Variants in CDH12 observed in about 807,000 individuals in gnomAD.
The protein encoded by CDH12 is cadherin-12.
A neutral mutation model predicts 74.1 loss-of-function variants in CDH12; 41 were observed. The ratio of observed to expected loss-of-function variants is 0.55; its 90% CI spans 0.43 to 0.72. The LOEUF is 0.72. Ranked by LOEUF, CDH12 falls within the 30% of genes least tolerant of loss-of-function variation. The pLI, the probability that CDH12 is intolerant of heterozygous loss-of-function variation, is 0.00. For synonymous variants in CDH12, 399 were observed against 355.0 expected (o/e 1.12, Z -1.39); for missense variants, 945 against 977.2 (o/e 0.97, Z 0.44).
chr5:22,570,193 T>C (rs1580774675), intron 1 of CDH12, among the ~76,000 whole-genome samples: 1 of 151,680 alleles, frequency 6.6e-6, no homozygotes, highest in African/African-American at 2.4e-5. Flanking sequence ...GCAGCTGGGA[T>C]TACAGGCGCC....
At chr5:22,027,367 T>C (rs1169351048) in intron 5 of CDH12, among the ~76,000 whole-genome samples, 1 of 152,216 alleles carries the variant, frequency 6.6e-6, no homozygotes, top group East Asian at 1.9e-4. Flanking sequence ...TTCTGTTGAT[T>C]GGAATAGTTT....
At chr5:22,521,420 T>C (rs1320650728) in intron 1 of CDH12, among the ~76,000 whole-genome samples, 1 of 149,764 alleles carries the variant, frequency 6.7e-6, no homozygotes, top group African/African-American at 2.6e-5. Context: ...TTGTGGAACT[T>C]ATATTTAGTT....
chr5:22,336,482 G>T (rs1739585690), intron 3 of CDH12, among the ~76,000 whole-genome samples: 1 of 152,150 alleles, frequency 6.6e-6, no homozygotes, highest in Admixed American at 6.5e-5. Context: ...AGGTTTCATG[G>T]GCCAGGCCCA....
chr5:22,358,321 A>G (rs1285882141), intron 3 of CDH12, among the ~76,000 whole-genome samples: 1 of 54,604 alleles, frequency 1.8e-5, no homozygotes, highest in Non-Finnish European at 3.8e-5. Context: ...AGGCAGGAGA[A>G]TAACTTGAAC....
chr5:22,529,351 C>T (rs550285388), intron 1 of CDH12, among the ~76,000 whole-genome samples: 160 of 151,904 alleles, frequency 1.1e-3, no homozygotes, highest in Non-Finnish European at 1.8e-3. Flanking sequence ...AGTCTGAGTC[C>T]TAAGCCCTGA....
intron 3 of CDH12, among the ~76,000 whole-genome samples, chr5:22,303,568 C>A (rs1019996443): frequency 6.6e-6 from 1 of 151,942 alleles, no homozygotes; most frequent in African/African-American, 2.4e-5. Flanking sequence ...ATTGATATCA[C>A]AATTTCTACA....
At chr5:22,802,767 A>C (rs1215614100) in intron 1 of CDH12, among the ~76,000 whole-genome samples, 1 of 152,188 alleles carries the variant, frequency 6.6e-6, no homozygotes, top group Non-Finnish European at 1.5e-5. Context: ...CAAACACACA[A>C]TAGGCACAAA....
chr5:22,332,107 A>G (rs533029835), intron 3 of CDH12, among the ~76,000 whole-genome samples: 1 of 152,292 alleles, frequency 6.6e-6, no homozygotes, highest in East Asian at 1.9e-4. Flanking sequence ...AAAAGATAAT[A>G]ACGGAGAACT....
intron 5 of CDH12, among the ~76,000 whole-genome samples, chr5:21,988,180 A>G (rs980692549): frequency 3.3e-5 from 5 of 152,108 alleles, no homozygotes; most frequent in Non-Finnish European, 7.4e-5. Flanking sequence ...ACAGGATATG[A>G]CAATAGCTCT....
intron 3 of CDH12, among the ~76,000 whole-genome samples, chr5:22,272,925 G>A (rs954962042): frequency 6.6e-6 from 1 of 152,176 alleles, no homozygotes; most frequent in African/African-American, 2.4e-5. Flanking sequence ...GGCAGAAGGG[G>A]AAGCAAATGC....
At chr5:21,916,193 C>G (rs1754085744) in intron 6 of CDH12, among the ~76,000 whole-genome samples, 1 of 152,112 alleles carries the variant, frequency 6.6e-6, no homozygotes. Context: ...TGTAAGTATT[C>G]TATCTTCAAG....
intron 4 of CDH12, among the ~76,000 whole-genome samples, chr5:22,158,417 G>T (rs963833593): frequency 2.6e-5 from 4 of 152,016 alleles, no homozygotes; most frequent in African/African-American, 9.7e-5. Flanking sequence ...AAGTGATGCA[G>T]AAGCATTTTC....
intron 3 of CDH12, among the ~76,000 whole-genome samples, chr5:22,290,292 A>G (rs1044304137): frequency 2.0e-5 from 3 of 152,204 alleles, no homozygotes; most frequent in Non-Finnish European, 4.4e-5. Context: ...GACTGACCCC[A>G]AAACATCGAG....
At chr5:22,779,503 C>G (rs1455883954) in intron 1 of CDH12, among the ~76,000 whole-genome samples, 2 of 151,930 alleles carry the variant, frequency 1.3e-5, no homozygotes, top group Non-Finnish European at 2.9e-5. Flanking sequence ...AAACAATAAC[C>G]CCAGTTGATA....
At chr5:21,938,811 A>AT (rs1483698319) in intron 6 of CDH12, among the ~76,000 whole-genome samples, 3 of 146,612 alleles carry the variant, frequency 2.0e-5, no homozygotes, top group African/African-American at 7.6e-5. Flanking sequence ...AAGGACTTCA[A>AT]TTTTTACCAG....
chr5:22,740,715 T>TA (rs1744986638), intron 1 of CDH12, among the ~76,000 whole-genome samples: 1 of 152,122 alleles, frequency 6.6e-6, no homozygotes, highest in African/African-American at 2.4e-5. Context: ...ATAGATGTTT[T>TA]AAAACTTAAT....
chr5:22,231,879 A>G (rs1752397718), intron 3 of CDH12, among the ~76,000 whole-genome samples: 1 of 151,994 alleles, frequency 6.6e-6, no homozygotes. Context: ...ATTTCATAGA[A>G]AGTTATGTAT....
chr5:21,917,294 A>G (rs930050463), intron 6 of CDH12, among the ~76,000 whole-genome samples: 89 of 152,276 alleles, frequency 5.8e-4, no homozygotes, highest in Admixed American at 1.6e-3. Flanking sequence ...AAAACTCCCA[A>G]TGTCTGTGCC....
chr5:22,162,947 A>C (rs531505389), intron 4 of CDH12, among the ~76,000 whole-genome samples: 1 of 130,596 alleles, frequency 7.7e-6, no homozygotes, highest in Non-Finnish European at 1.5e-5. Flanking sequence ...CCCAGGCAGG[A>C]CTGCAGTGGC....
Sources: gnomAD v4.1 joint callset for allele counts (sites outside exome capture counted in the v4.1 genomes callset) on GRCh38, gnomAD v4.1.1 for gene constraint, MANE v1.5 for transcripts, NCBI Gene and HGNC (gene_info 2026-07-23, HGNC 2026-07-21) for gene names.